Variants in NAA16 observed in about 807,000 individuals in gnomAD.
The protein encoded by NAA16 is N-alpha-acetyltransferase 16, NatA auxiliary subunit.
A neutral mutation model predicts 110.3 loss-of-function variants in NAA16; 97 were observed. The ratio of observed to expected loss-of-function variants is 0.88; its 90% CI spans 0.75 to 1.04. The LOEUF (loss-of-function observed/expected upper bound fraction) is 1.04. NAA16 is among the 50% of genes least tolerant of loss of function. The pLI is 0.00. For missense variants in NAA16, 1,017 were observed against 1,005.1 expected, an observed-to-expected ratio of 1.01 and a Z score of -0.16; for synonymous variants, 372 against 330.6, an observed-to-expected ratio of 1.13 and a Z score of -1.36.
chr13:41,368,651 C>T (rs947358772), intron 14 of NAA16, among the ~76,000 whole-genome samples: 11 of 152,110 alleles, frequency 7.2e-5, no homozygotes, highest in Non-Finnish European at 1.5e-5. Flanking sequence ...ATGGGTGGAA[C>T]AAATCATAAA....
intron 9 of NAA16, among the ~76,000 whole-genome samples, chr13:41,352,168 C>A (rs933573525): frequency 6.6e-6 from 1 of 152,086 alleles, no homozygotes; most frequent in African/African-American, 2.4e-5. Context: ...AGGGCAAAAC[C>A]CCGTCTCTAC....
At position 41,372,269 on chromosome 13, in the gene NAA16, A is replaced by T. The variant is rs757226550; in HGVS notation, c.2014A>T (p.Ile672Phe). The change falls in exon 16 of 20, where the codon ATT becomes TTT. Residue 672 changes from isoleucine to phenylalanine, a missense_variant. Coordinates refer to ENST00000379406, the MANE Select transcript of NAA16 (RefSeq NM_024561.5). ...TCTTAAGAACCTTGTTGCTGATAAC[A>T]TTGACACTCATCTGTTAGCATTTGA... Reference protein sequence around the residue: ...IPLKNLVADNIDTHLLAFEIY... With the variant: ...IPLKNLVADNFDTHLLAFEIY... The T allele has an allele frequency of 1.2e-6, 2 of 1,601,906 alleles. No homozygotes were observed. The highest frequency in any genetic ancestry group is 3.5e-5 in the Admixed American group (2 of 57,564).
At chr13:41,324,456 A>T (rs1593423982) in intron 5 of NAA16, among the ~76,000 whole-genome samples, 1 of 136,366 alleles carries the variant, frequency 7.3e-6, no homozygotes, top group South Asian at 2.4e-4. Context: ...GCTCACTGCA[A>T]CCTCCGCCTA....
rs762990179 is a variant in NAA16, at chr13:41,358,420, G to A, written c.1204G>A (p.Ala402Thr). The change falls in exon 11 of 20, where the codon GCT becomes ACT. Residue 402 changes from alanine to threonine, a missense_variant. Physicochemically the swap from Ala to Thr is moderately conservative, Grantham distance 58. Coordinates refer to ENST00000379406, the MANE Select transcript of NAA16 (RefSeq NM_024561.5). ...LALDYINAAI[A>T]STPTLIELFY... ...TTTGGATTATATTAATGCTGCAATTGCTAGTACTCCAACTCTAATAGAATT... is the reference window on the plus strand; with the variant it reads ...TTTGGATTATATTAATGCTGCAATTACTAGTACTCCAACTCTAATAGAATT... 3 of 1,613,112 alleles carry A rather than the reference G, an allele frequency of 1.9e-6. No homozygotes were observed. The East Asian group carries it at 6.7e-5, about 36-fold the overall frequency.
intron 9 of NAA16, among the ~76,000 whole-genome samples, chr13:41,349,807 A>T (rs1176993710): frequency 6.6e-6 from 1 of 152,062 alleles, no homozygotes; most frequent in Admixed American, 6.6e-5. Flanking sequence ...TCTACTAAAA[A>T]TACAAAAAAA....
At chr13:41,363,466 A>G (rs2043152175) in intron 13 of NAA16, among the ~76,000 whole-genome samples, 1 of 152,172 alleles carries the variant, frequency 6.6e-6, no homozygotes. Flanking sequence ...TCTTGAACTT[A>G]AATTCCATTT....
At chr13:41,344,630 T>C (rs1203863291) in intron 9 of NAA16, among the ~76,000 whole-genome samples, 2 of 152,206 alleles carry the variant, frequency 1.3e-5, no homozygotes, top group Non-Finnish European at 2.9e-5. Context: ...GATAATTCTT[T>C]GTAATGTAGG....
Position 41,358,353 on chromosome 13 carries a change from C to G in NAA16, c.1137C>G (p.Phe379Leu). 6.2e-7 allele frequency: 1 copy of G among 1,613,940 alleles called. No homozygotes were observed. Among genetic ancestry groups the G allele is most frequent in the Non-Finnish European group, 8.5e-7 (1 of 1,179,902 alleles). The change falls in exon 11 of 20, where the codon TTC becomes TTG. Residue 379 changes from phenylalanine (F) to leucine (L), a missense_variant. Coordinates refer to ENST00000379406, the MANE Select transcript of NAA16 (RefSeq NM_024561.5). ...PPTTLLWVQYFLAQHFDKLGQ... is the reference protein window; with the variant it reads ...PPTTLLWVQYLLAQHFDKLGQ... ...CAACACTACTCTGGGTTCAGTATTT[C>G]CTGGCACAGCACTTTGATAAACTTG... is the stretch of plus-strand genomic sequence containing the variant.
rs547846846 is a variant in NAA16 at position 41,314,398 on chromosome 13, T to G, written c.55-2448T>G. On this transcript the variant is annotated intron_variant, in intron 1 of 19. Coordinates refer to ENST00000379406, the MANE Select transcript of NAA16 (RefSeq NM_024561.5). ...GACAGACTTGTAGTCAAACTCAGAT[T>G]GTCATTTTTTATTTTAAAATATTTT... is the stretch of plus-strand genomic sequence containing the variant. Among the ~76,000 whole-genome samples, 3 of 152,330 alleles carry G rather than the reference T, an allele frequency of 2.0e-5. No individual in the cohort carries two copies. The East Asian group carries it at 5.8e-4, about 29-fold the overall frequency.
chr13:41,315,446 C>T (rs771281347), intron 1 of NAA16, among the ~76,000 whole-genome samples: 4 of 152,124 alleles, frequency 2.6e-5, no homozygotes, highest in Non-Finnish European at 5.9e-5. Context: ...AAAGATGTTG[C>T]TTATCCTTGC....
chr13:41,368,770 A>G (rs931841076), intron 14 of NAA16, among the ~76,000 whole-genome samples: 4 of 152,194 alleles, frequency 2.6e-5, no homozygotes, highest in Non-Finnish European at 4.4e-5. Flanking sequence ...TAGCATTTAC[A>G]TTATTTTAGG....
intron 12 of NAA16, among the ~76,000 whole-genome samples, chr13:41,361,404 G>C (rs563758185): frequency 6.6e-6 from 1 of 152,176 alleles, no homozygotes; most frequent in Non-Finnish European, 1.5e-5. Context: ...CTGAATATAC[G>C]TAACAGTGAC....
intron 1 of NAA16, 101 bp downstream of exon 1, chr13:41,311,683 C>G (rs370258213): frequency 9.8e-7 from 1 of 1,021,788 alleles, no homozygotes. Context: ...GGCTTGGCCT[C>G]CGCTGCCCAC....
chr13:41,358,319 AACCCCCG>A lies in NAA16; in HGVS notation c.1106_1112del (p.Pro369GlnfsTer37). 6.2e-7 allele frequency: 1 copy of A among 1,613,328 alleles called. No individual in the cohort carries two copies. Among genetic ancestry groups the A allele is most frequent in the Non-Finnish European group, 8.5e-7 (1 of 1,179,536 alleles). On this transcript the variant is annotated frameshift_variant, in exon 11 of 20. Transcript: ENST00000379406. LOFTEE classifies it high-confidence loss of function. ...TTGATTGCAGAGAATGGGGAGAAGG[AACCCCCG>A]ACAACACTACTCTGGGTTCAGTATT...
chr13:41,351,926 C>T (rs1215118720), intron 9 of NAA16, among the ~76,000 whole-genome samples: 1 of 152,180 alleles, frequency 6.6e-6, no homozygotes, highest in East Asian at 1.9e-4. Flanking sequence ...ATATTACACA[C>T]TACCTAATTA....
intron 9 of NAA16, among the ~76,000 whole-genome samples, chr13:41,353,119 C>CAAAAT (rs1384065745): frequency 6.6e-6 from 1 of 150,766 alleles, no homozygotes; most frequent in Non-Finnish European, 1.5e-5. Context: ...CATCTCAAAA[C>CAAAAT]AAAACAAAAC....
chr13:41,358,572 G>A, intron 11 of NAA16, 99 bp downstream of exon 11: 1 of 1,509,786 alleles, frequency 6.6e-7, no homozygotes, highest in Non-Finnish European at 8.8e-7. Flanking sequence ...AGGGCACCCT[G>A]ATAATCTTTT....
intron 6 of NAA16, 54 bp from the exon 7 acceptor site, chr13:41,328,670 G>C: frequency 6.9e-7 from 1 of 1,449,656 alleles, no homozygotes; most frequent in Non-Finnish European, 9.5e-7. Flanking sequence ...AAGTCCCTGG[G>C]GTCAGATAGA....
chr13:41,320,924 T>TCTAC, intron 4 of NAA16, 100 bp downstream of exon 4: 1 of 1,065,132 alleles, frequency 9.4e-7, no homozygotes, highest in Non-Finnish European at 1.3e-6. Context: ...ATCAAGTAGA[T>TCTAC]TTGATTGTTC....
Sources: allele counts gnomAD v4.1 joint callset (sites outside exome capture counted in the v4.1 genomes callset), GRCh38; gene constraint gnomAD v4.1.1; transcripts MANE v1.5; gene names NCBI Gene and HGNC (gene_info 2026-07-23, HGNC 2026-07-21).